The following CNTN5 variants were observed in gnomAD, a reference collection of about 807,000 sequenced individuals.
CNTN5 encodes the protein contactin 5.
A neutral mutation model predicts 129.1 loss-of-function variants in CNTN5; 77 were observed. The observed-to-expected ratio is 0.60, with a 90% CI of 0.50 to 0.72. The LOEUF (loss-of-function observed/expected upper bound fraction) is 0.72. Among genes scored for constraint, CNTN5 ranks in the 30% least tolerant of loss-of-function variants. CNTN5 has a pLI of 0.00. For synonymous variants in CNTN5, 509 were observed against 465.6 expected, an observed-to-expected ratio of 1.09 and a Z score of -1.20; for missense variants, 1,478 against 1,328.8, an observed-to-expected ratio of 1.11 and a Z score of -1.75.
At chr11:99,355,555 G>A (rs1441190772) in intron 2 of CNTN5, among the ~76,000 whole-genome samples, 4 of 152,122 alleles carry the variant, frequency 2.6e-5, no homozygotes, top group Admixed American at 6.5e-5. Context: ...ACCACAGGGC[G>A]TTCTGTGGAT....
chr11:99,815,370 G>A (rs1295733345), intron 3 of CNTN5, among the ~76,000 whole-genome samples: 2 of 151,122 alleles, frequency 1.3e-5, no homozygotes, highest in Non-Finnish European at 3.0e-5. Flanking sequence ...AGACTGAGGA[G>A]TGGGGAAACT....
intron 1 of CNTN5, among the ~76,000 whole-genome samples, chr11:99,191,126 G>T (rs926894735): frequency 6.6e-6 from 1 of 151,532 alleles, no homozygotes; most frequent in Non-Finnish European, 1.5e-5. Context: ...TCATTCTGTT[G>T]ATGTGTGTAC....
intron 9 of CNTN5, among the ~76,000 whole-genome samples, chr11:100,023,414 C>G (rs1245353942): frequency 1.3e-5 from 2 of 152,082 alleles, no homozygotes; most frequent in Non-Finnish European, 2.9e-5. Context: ...TTTCCTATAT[C>G]CTGTCTGCCC....
At chr11:99,697,635 A>G (rs1337729521) in intron 3 of CNTN5, among the ~76,000 whole-genome samples, 1 of 151,570 alleles carries the variant, frequency 6.6e-6, no homozygotes, top group Middle Eastern at 3.4e-3. Context: ...AAAAAGTAAC[A>G]TTAGAGAAAA....
At position 100,046,254 on chromosome 11, in the gene CNTN5, T is replaced by C. The variant is rs183271458; in HGVS notation, c.981-14958T>C. Reference sequence around the variant, plus strand: ...CTGTTTTGATGTAATATCTGATTAATAGAAAAAACAATTATGAATCCAGCA... The same window carrying C: ...CTGTTTTGATGTAATATCTGATTAACAGAAAAAACAATTATGAATCCAGCA... On this transcript the variant is annotated intron_variant, in intron 9 of 24. Coordinates refer to ENST00000524871, the MANE Select transcript of CNTN5 (RefSeq NM_014361.4). Among the ~76,000 whole-genome samples, 7 of 152,212 alleles carry C rather than the reference T, an allele frequency of 4.6e-5. No homozygotes were observed. The South Asian group carries it at 1.0e-3, about 23-fold the overall frequency.
At chr11:100,316,050 A>G (rs1225694779) in intron 21 of CNTN5, among the ~76,000 whole-genome samples, 1 of 152,216 alleles carries the variant, frequency 6.6e-6, no homozygotes, top group East Asian at 1.9e-4. Context: ...ACCCACCAGC[A>G]TTAAGTGTCC....
chr11:99,818,323 G>A (rs1946661173), intron 3 of CNTN5, among the ~76,000 whole-genome samples: 2 of 151,314 alleles, frequency 1.3e-5, no homozygotes, highest in Admixed American at 1.3e-4. Context: ...TGGCATGATC[G>A]CAGCTCACTA....
At chr11:99,312,965 T>C (rs777065719) in intron 1 of CNTN5, among the ~76,000 whole-genome samples, 1 of 151,946 alleles carries the variant, frequency 6.6e-6, no homozygotes, top group African/African-American at 2.4e-5. Flanking sequence ...AAAATAGTGG[T>C]TTTAATAGAA....
At chr11:99,153,126 A>T (rs1286485265) in intron 1 of CNTN5, among the ~76,000 whole-genome samples, 1 of 151,948 alleles carries the variant, frequency 6.6e-6, no homozygotes, top group African/African-American at 2.4e-5. Flanking sequence ...TGTCTTGGGG[A>T]TGGGCTTCTT....
At chr11:100,138,740 G>A (rs1024220065) in intron 13 of CNTN5, among the ~76,000 whole-genome samples, 3 of 152,016 alleles carry the variant, frequency 2.0e-5, no homozygotes, top group Non-Finnish European at 4.4e-5. Context: ...GTTGAGGAGG[G>A]GATCATGATA....
At chr11:100,189,970 G>A (rs1948427539) in intron 13 of CNTN5, among the ~76,000 whole-genome samples, 1 of 151,710 alleles carries the variant, frequency 6.6e-6, no homozygotes, top group Admixed American at 6.6e-5. Flanking sequence ...TAAATTCCTG[G>A]GCAGTTTTTT....
intron 6 of CNTN5, among the ~76,000 whole-genome samples, chr11:99,890,460 T>C (rs1273734713): frequency 2.0e-5 from 3 of 152,078 alleles, no homozygotes; most frequent in East Asian, 1.9e-4. Context: ...ATATAAGATA[T>C]ATTCAATGTT....
intron 14 of CNTN5, among the ~76,000 whole-genome samples, chr11:100,192,710 G>A (rs1263682197): frequency 3.3e-5 from 5 of 151,934 alleles, no homozygotes; most frequent in Non-Finnish European, 7.4e-5. Context: ...ACTCTTAAAT[G>A]TAAAGCCTGT....
intron 1 of CNTN5, among the ~76,000 whole-genome samples, chr11:99,168,198 C>A (rs907835794): frequency 1.1e-4 from 16 of 152,124 alleles, no homozygotes; most frequent in African/African-American, 3.1e-4. Context: ...CCTGCCTTTG[C>A]CTTCCAAAGT....
rs1285255567 is a variant in CNTN5 at position 99,707,823 on chromosome 11, TATA to T, written c.56-111717_56-111715del. 5.3e-5 allele frequency among the ~76,000 whole-genome samples: 8 copies of T among 151,638 alleles called. No individual in the cohort carries two copies. In the South Asian group the frequency reaches 6.2e-4, roughly 12 times the overall value. ...CAATCATACCTGAAATATGCTCTAT[TATA>T]ATATCTAATATAAAATAATATTTTT... is the stretch of plus-strand genomic sequence containing the variant. On this transcript the variant is annotated intron_variant, in intron 3 of 24. Transcript: ENST00000524871.
At chr11:99,963,836 A>G (rs562938021) in intron 8 of CNTN5, among the ~76,000 whole-genome samples, 1 of 152,116 alleles carries the variant, frequency 6.6e-6, no homozygotes, top group African/African-American at 2.4e-5. Flanking sequence ...TGTTTCATTG[A>G]GCAGTGGTTT....
intron 6 of CNTN5, among the ~76,000 whole-genome samples, chr11:99,873,156 G>T (rs949069620): frequency 6.6e-6 from 1 of 151,888 alleles, no homozygotes; most frequent in Non-Finnish European, 1.5e-5. Flanking sequence ...CCCAATCTCA[G>T]ACCTCTCTCA....
intron 2 of CNTN5, among the ~76,000 whole-genome samples, chr11:99,423,274 T>C (rs1207084807): frequency 6.6e-6 from 1 of 152,200 alleles, no homozygotes; most frequent in Non-Finnish European, 1.5e-5. Context: ...TCTATCTTTA[T>C]GACAGGAGTT....
At chr11:99,366,700 T>A (rs1371750537) in intron 2 of CNTN5, among the ~76,000 whole-genome samples, 2 of 152,156 alleles carry the variant, frequency 1.3e-5, no homozygotes, top group Non-Finnish European at 2.9e-5. Context: ...GGAGTTGGCA[T>A]CTCTCTACAT....
Sources: gnomAD v4.1 joint callset for allele counts (sites outside exome capture counted in the v4.1 genomes callset) on GRCh38, gnomAD v4.1.1 for gene constraint, MANE v1.5 for transcripts, NCBI Gene and HGNC (gene_info 2026-07-23, HGNC 2026-07-21) for gene names.